The following AEBP2 variants were observed in gnomAD, a reference collection of about 807,000 sequenced individuals.
AEBP2 encodes the protein zinc finger protein AEBP2.
A neutral mutation model predicts 50.8 loss-of-function variants in AEBP2; 10 were observed. The ratio of observed to expected loss-of-function variants is 0.20; its 90% confidence interval spans 0.12 to 0.33. The LOEUF (loss-of-function observed/expected upper bound fraction) is 0.33, where lower values mean the gene tolerates loss of function less well. Among genes scored for constraint, AEBP2 ranks in the 10% least tolerant of loss-of-function variants. The probability of loss-of-function intolerance (pLI) is 1.00; values close to 1 mark genes in which losing one functional copy is unlikely to be tolerated. For synonymous variants in AEBP2, 296 were observed against 261.3 expected (o/e 1.13, Z -1.28); for missense variants, 570 against 688.0 (o/e 0.83, Z 1.92).
At chr12:19,409,296 T>C (rs11044534) in intron 1 of AEBP2, among the ~76,000 whole-genome samples, 4,654 of 152,078 alleles carry the variant, frequency 0.031, 70 homozygotes, top group East Asian at 0.046. Flanking sequence ...AACTATTCCC[T>C]TTGGGTCCTA....
chr12:19,479,735 T>G (rs1366551031), intron 3 of AEBP2, among the ~76,000 whole-genome samples: 4 of 141,368 alleles, frequency 2.8e-5, no homozygotes, highest in African/African-American at 7.7e-5. Flanking sequence ...TTTTTTTTTT[T>G]TTTTTTTTTT....
intron 4 of AEBP2, among the ~76,000 whole-genome samples, chr12:19,498,886 C>T (rs1278231611): frequency 2.6e-5 from 4 of 151,934 alleles, no homozygotes; most frequent in Non-Finnish European, 1.5e-5. Flanking sequence ...TGGAACATGC[C>T]TATAGTCCTA....
intron 2 of AEBP2, among the ~76,000 whole-genome samples, chr12:19,463,142 A>G (rs574569788): frequency 1.3e-5 from 2 of 152,312 alleles, no homozygotes; most frequent in African/African-American, 4.8e-5. Flanking sequence ...CAATTCTATT[A>G]AATAACAACC....
chr12:19,439,599 T>C lies in AEBP2; in HGVS notation c.-101T>C. 2.1e-6 allele frequency: 3 copies of C among 1,412,796 alleles called. No homozygotes were observed. In the South Asian group the frequency reaches 4.1e-5, roughly 20 times the overall value. The allele number at this position is 1,412,796 out of a possible 1,614,324, so 87.5% of individuals were successfully genotyped here. A position where few individuals can be genotyped will look rare whatever the true frequency, so the allele number is the denominator to read the frequency against. On this transcript the variant is annotated 5_prime_UTR_variant, in exon 1 of 8. Coordinates refer to ENST00000266508, the MANE Select transcript of AEBP2 (RefSeq NM_153207.5). ...GCCCTCCTCCTGCTCTGCAGCGGCG[T>C]CGGCGGAGTTTTGGGCGTTTGGGAG... is the stretch of plus-strand genomic sequence containing the variant.
chr12:19,424,464 T>C (rs556327123), intron 1 of AEBP2, among the ~76,000 whole-genome samples: 2 of 152,036 alleles, frequency 1.3e-5, no homozygotes, highest in African/African-American at 2.4e-5. Context: ...TGGCGCGATC[T>C]CGGCTCACTG....
intron 3 of AEBP2, 25 bp downstream of exon 3, chr12:19,473,380 T>TTAATTAATTAATTA: frequency 2.2e-6 from 1 of 444,494 alleles, no homozygotes. Context: ...ATATAAAATT[T>TTAATTAATTAATTA]ATTTATTTAT....
In AEBP2 at chr12:19,520,329, G is replaced by A. The variant is rs565727837; in HGVS notation, c.*2212G>A. ...CACAGTAAATAAGTTTTTTCATTGT[G>A]TAGAAATACTTAGATGTCAAAACCA... On this transcript the variant is annotated 3_prime_UTR_variant, in exon 8 of 8. Transcript: ENST00000266508. The A allele has an allele frequency of 3.9e-5, 6 of 152,160 alleles. No homozygotes were observed. Among genetic ancestry groups the A allele is most frequent in the Non-Finnish European group, 8.8e-5 (6 of 67,990 alleles). The allele number at this position is 152,160 out of a possible 1,614,324, so 9.4% of individuals were successfully genotyped here.
intron 1 of AEBP2, among the ~76,000 whole-genome samples, chr12:19,424,285 C>T (rs188082114): frequency 2.0e-5 from 3 of 152,210 alleles, no homozygotes; most frequent in African/African-American, 7.2e-5. Context: ...TGCTCATGAA[C>T]AGCAGAGAAG....
intron 2 of AEBP2, among the ~76,000 whole-genome samples, chr12:19,470,715 T>C (rs746692108): frequency 1.1e-4 from 16 of 152,208 alleles, no homozygotes; most frequent in African/African-American, 3.6e-4. Context: ...GGAAAAAAAT[T>C]AGAAGCCAGA....
At chr12:19,497,325 G>A (rs1239676195) in intron 4 of AEBP2, among the ~76,000 whole-genome samples, 1 of 95,620 alleles carries the variant, frequency 1.0e-5, no homozygotes, top group African/African-American at 5.2e-5. Context: ...GGTTTCCAAA[G>A]GTGTTTTTTT....
chr12:19,473,292 A>G lies in AEBP2; in HGVS notation c.924A>G (p.Pro308=), dbSNP rs781682898. Residue 308 remains proline (P), a synonymous_variant, in exon 3 of 8, where the codon CCA becomes CCG. Coordinates refer to ENST00000266508, the MANE Select transcript of AEBP2 (RefSeq NM_153207.5). ...LWKGCKVYNT[P]STSQSWLQRH... ...AAGGTTGTAAAGTATATAACACTCC[A>G]TCTACCAGTCAAAGTTGGTTACAAA... The G allele has an allele frequency of 4.0e-5, 62 of 1,551,750 alleles. No homozygotes were observed. Among genetic ancestry groups the G allele is most frequent in the Admixed American group, 2.3e-4 (12 of 52,940 alleles).
At chr12:19,486,398 G>A (rs1300332174) in intron 3 of AEBP2, among the ~76,000 whole-genome samples, 1 of 150,830 alleles carries the variant, frequency 6.6e-6, no homozygotes, top group African/African-American at 2.4e-5. Context: ...ATTTTTTTTT[G>A]TTTTGTTTTT....
chr12:19,422,888 A>AC (rs1206912991), intron 1 of AEBP2, among the ~76,000 whole-genome samples: 6 of 151,068 alleles, frequency 4.0e-5, no homozygotes, highest in Non-Finnish European at 5.9e-5. Context: ...ACTTGTTGAG[A>AC]CCCCATCTCT....
chr12:19,485,419 C>CA (rs1436137809), intron 3 of AEBP2, among the ~76,000 whole-genome samples: 7 of 151,940 alleles, frequency 4.6e-5, no homozygotes, highest in Admixed American at 3.3e-4. Flanking sequence ...ATGAGAAAAA[C>CA]AGAGTAGGCC....
chr12:19,427,015 A>G (rs1254141161), intron 1 of AEBP2, among the ~76,000 whole-genome samples: 1 of 152,238 alleles, frequency 6.6e-6, no homozygotes. Flanking sequence ...AATGTGGGCA[A>G]GCATTATCCA....
chr12:19,440,416 C>T (rs1947931571), intron 1 of AEBP2, 46 bp downstream of exon 1: 2 of 1,455,732 alleles, frequency 1.4e-6, no homozygotes, highest in East Asian at 2.4e-5. Flanking sequence ...CTCTTGAACT[C>T]CCGGGCCCCT....
intron 5 of AEBP2, among the ~76,000 whole-genome samples, chr12:19,511,175 T>C (rs10770499): frequency 0.5 from 76,338 of 151,916 alleles, 20,306 homozygotes; most frequent in Non-Finnish European, 0.61. Context: ...ACTCCAGTTT[T>C]CATATAAATA....
chr12:19,515,555 G>C (rs1005249431), intron 7 of AEBP2, among the ~76,000 whole-genome samples: 1 of 152,122 alleles, frequency 6.6e-6, no homozygotes, highest in African/African-American at 2.4e-5. Context: ...CTTAAAACCA[G>C]CTTTTAAAAG....
At chr12:19,501,598 C>T (rs1039345588) in intron 5 of AEBP2, among the ~76,000 whole-genome samples, 1 of 151,728 alleles carries the variant, frequency 6.6e-6, no homozygotes, top group Non-Finnish European at 1.5e-5. Flanking sequence ...GATCATGGCA[C>T]TGCACTGCAG....
Sources: allele counts gnomAD v4.1 joint callset (sites outside exome capture counted in the v4.1 genomes callset), GRCh38; gene constraint gnomAD v4.1.1; transcripts MANE v1.5; gene names NCBI Gene and HGNC (gene_info 2026-07-23, HGNC 2026-07-21).